The following TBC1D22A variants were observed in gnomAD, a reference collection of about 807,000 sequenced individuals.
The protein encoded by TBC1D22A is TBC1 domain family member 22A.
A neutral mutation model predicts 60.2 loss-of-function variants in TBC1D22A; 38 were observed. The observed-to-expected ratio is 0.63, with a 90% CI of 0.49 to 0.83. TBC1D22A has a LOEUF of 0.83. Ranked by LOEUF, TBC1D22A falls within the 40% of genes least tolerant of loss-of-function variation. TBC1D22A has a pLI of 0.00. For synonymous variants in TBC1D22A, 302 were observed against 281.7 expected (o/e 1.07, Z -0.72); for missense variants, 628 against 701.0 (o/e 0.90, Z 1.18).
At chr22:46,816,989 A>G (rs1220872619) in intron 4 of TBC1D22A, among the ~76,000 whole-genome samples, 1 of 152,240 alleles carries the variant, frequency 6.6e-6, no homozygotes, top group Non-Finnish European at 1.5e-5. Context: ...ATGTTCGAAC[A>G]TTAAAGACTT....
chr22:46,764,620 A>G (rs2083222483), intron 1 of TBC1D22A, among the ~76,000 whole-genome samples: 1 of 152,218 alleles, frequency 6.6e-6, no homozygotes, highest in South Asian at 2.1e-4. Context: ...GGGTTTTTGC[A>G]CAAGTAATCA....
At chr22:47,098,062 G>GA (rs922368895) in intron 11 of TBC1D22A, among the ~76,000 whole-genome samples, 7 of 141,640 alleles carry the variant, frequency 4.9e-5, no homozygotes, top group Admixed American at 7.0e-5. Context: ...ACGTAGTAAA[G>GA]AAAAAAAAAA....
chr22:46,960,252 A>G (rs532532374), intron 8 of TBC1D22A, among the ~76,000 whole-genome samples: 37 of 150,556 alleles, frequency 2.5e-4, no homozygotes, highest in African/African-American at 8.7e-4. Flanking sequence ...TAGGAGGTAC[A>G]GTGTTGGACT....
In TBC1D22A at chr22:46,936,944, G is replaced by C. The variant is rs144551670; in HGVS notation, c.1015+24756G>C. Among the ~76,000 whole-genome samples, 250 of 152,314 alleles carry C rather than the reference G, an allele frequency of 1.6e-3. 2 individuals carry two copies. Among genetic ancestry groups the C allele is most frequent in the African/African-American group, 5.7e-3 (235 of 41,578 alleles). On this transcript the variant is annotated intron_variant, in intron 8 of 12. Transcript: ENST00000337137. ...TTGTTTCAAAATCTCTAAGTGTACAGCTGTTCTTGAGATTAATGTTTTCAG... is the reference window on the plus strand; with the variant it reads ...TTGTTTCAAAATCTCTAAGTGTACACCTGTTCTTGAGATTAATGTTTTCAG...
chr22:47,067,486 C>A (rs1316336069), intron 11 of TBC1D22A, among the ~76,000 whole-genome samples: 1 of 152,218 alleles, frequency 6.6e-6, no homozygotes, highest in Non-Finnish European at 1.5e-5. Context: ...AGAGGTGGGC[C>A]TTCCACCCTT....
chr22:47,057,966 C>G (rs368015811), intron 11 of TBC1D22A, among the ~76,000 whole-genome samples: 1 of 152,178 alleles, frequency 6.6e-6, no homozygotes, highest in Non-Finnish European at 1.5e-5. Flanking sequence ...GTCAGGCAGG[C>G]CCCACGAGGA....
At chr22:47,172,106 G>C (rs1330409674) in intron 12 of TBC1D22A, among the ~76,000 whole-genome samples, 3 of 139,592 alleles carry the variant, frequency 2.1e-5, no homozygotes, top group Non-Finnish European at 1.5e-5. Flanking sequence ...TGAGCTGTGT[G>C]CTCACCCAGA....
chr22:46,997,463 G>A lies in TBC1D22A; in HGVS notation c.1126-171G>A, dbSNP rs181137763. Among the ~76,000 whole-genome samples the A allele has an allele frequency of 2.9e-3, 437 of 152,332 alleles. 1 individual carries two copies. The highest frequency in any genetic ancestry group is 4.7e-3 in the Non-Finnish European group (320 of 68,024). The stretch of plus-strand genomic sequence containing the variant: ...TTCCCTTCTCAAAATAGCAGTCAGC[G>A]GCGCTGTGCTGTGCAGGGTGCATCC... On this transcript the variant is annotated intron_variant, in intron 9 of 12. Coordinates refer to ENST00000337137, the MANE Select transcript of TBC1D22A (RefSeq NM_014346.5).
At chr22:47,155,969 C>T (rs777632993) in intron 12 of TBC1D22A, among the ~76,000 whole-genome samples, 1 of 152,220 alleles carries the variant, frequency 6.6e-6, no homozygotes, top group Admixed American at 6.5e-5. Flanking sequence ...CTACGGCCCT[C>T]CTACGTCTGT....
intron 8 of TBC1D22A, among the ~76,000 whole-genome samples, chr22:46,963,396 A>G (rs868648290): frequency 2.7e-4 from 19 of 71,588 alleles, no homozygotes; most frequent in African/African-American, 1.5e-3. Flanking sequence ...GGAAAGGCCC[A>G]GGGAGCCTTC....
chr22:46,973,284 C>T (rs566661665), intron 8 of TBC1D22A, among the ~76,000 whole-genome samples: 14 of 152,292 alleles, frequency 9.2e-5, no homozygotes, highest in South Asian at 2.1e-4. Flanking sequence ...CCAGGCTGCT[C>T]GGCATAGCCA....
At chr22:47,003,302 G>A (rs2061455336) in intron 10 of TBC1D22A, among the ~76,000 whole-genome samples, 1 of 151,984 alleles carries the variant, frequency 6.6e-6, no homozygotes. Context: ...TTGAGCTCTA[G>A]GTTACCCTTT....
chr22:47,098,611 C>A (rs1174703672), intron 11 of TBC1D22A, among the ~76,000 whole-genome samples: 1 of 152,120 alleles, frequency 6.6e-6, no homozygotes, highest in African/African-American at 2.4e-5. Context: ...GAGGCATCTC[C>A]CCGACTCCAT....
intron 11 of TBC1D22A, among the ~76,000 whole-genome samples, chr22:47,091,434 TGGCTGCGTGTTG>T (rs2064967936): frequency 1.4e-5 from 2 of 143,772 alleles, no homozygotes; most frequent in African/African-American, 5.2e-5. Flanking sequence ...GCGGAGGGGG[TGGCTGCGTGTTG>T]ATAGAGACAG....
intron 8 of TBC1D22A, among the ~76,000 whole-genome samples, chr22:46,967,632 AGTGTCCT>A (rs1391453213): frequency 5.3e-5 from 8 of 152,180 alleles, no homozygotes; most frequent in African/African-American, 1.9e-4. Flanking sequence ...CCTTGCTACC[AGTGTCCT>A]GGAATTCTTT....
rs2065371953 is a variant in TBC1D22A at position 47,100,505 on chromosome 22, T to TC, written c.1330-11000dup. Among the ~76,000 whole-genome samples, 3 of 152,196 alleles carry TC rather than the reference T, an allele frequency of 2.0e-5. No homozygotes were observed. In the South Asian group the frequency reaches 6.2e-4, roughly 32 times the overall value. ...TCCCCACCCAAATCTCATCTTGAAC[T>TC]CCCACATGTTGTGGGAGGTAATAGA... is the stretch of plus-strand genomic sequence containing the variant. On this transcript the variant is annotated intron_variant, in intron 11 of 12. Transcript: ENST00000337137.
In TBC1D22A at chr22:46,974,356, C is replaced by A; in HGVS notation, c.1082C>A (p.Ala361Asp). 6.2e-7 allele frequency: 1 copy of A among 1,611,422 alleles called. No individual in the cohort carries two copies. ...GCAGAGGTGCTGTGCAACATCGAGG[C>A]CGACACCTACTGGTGCATGAGCAAG... ...VPAEVLCNIE[A>D]DTYWCMSKLL... Residue 361 changes from alanine (A) to aspartate (D), a missense_variant, in exon 9 of 13, where the codon GCC becomes GAC. By Grantham distance (126) the Ala-to-Asp change is moderately radical. Transcript: ENST00000337137.
chr22:47,106,847 C>T (rs1288617819), intron 11 of TBC1D22A, among the ~76,000 whole-genome samples: 1 of 152,124 alleles, frequency 6.6e-6, no homozygotes, highest in African/African-American at 2.4e-5. Flanking sequence ...GTTGAAACCT[C>T]GTCTCTACAA....
chr22:47,144,549 C>T (rs1474215075), intron 12 of TBC1D22A, among the ~76,000 whole-genome samples: 1 of 152,250 alleles, frequency 6.6e-6, no homozygotes, highest in Non-Finnish European at 1.5e-5. Context: ...CTGGCGTGCA[C>T]ACAGTATACA....
Sources: gnomAD v4.1 joint callset for allele counts (sites outside exome capture counted in the v4.1 genomes callset) on GRCh38, gnomAD v4.1.1 for gene constraint, MANE v1.5 for transcripts, NCBI Gene and HGNC (gene_info 2026-07-23, HGNC 2026-07-21) for gene names.